AKT3: variants seen among roughly 807,000 people sequenced by gnomAD.
AKT3 encodes the protein AKT serine/threonine kinase 3.
AKT3 carries 15 observed loss-of-function variants against 65.3 expected under a neutral mutation model. That is an observed-to-expected ratio of 0.23 (90% CI 0.15 to 0.35). The LOEUF (loss-of-function observed/expected upper bound fraction) is 0.35, where lower values mean the gene tolerates loss of function less well. Among genes scored for constraint, AKT3 ranks in the 10% least tolerant of loss-of-function variants. The pLI, the probability that AKT3 is intolerant of heterozygous loss-of-function variation, is 1.00. For synonymous variants in AKT3, 206 were observed against 183.8 expected (o/e 1.12, Z -0.98); for missense variants, 243 against 576.5 (o/e 0.42, Z 5.92).
rs57661262 is a variant in AKT3 at position 243,715,609 on chromosome 1, G to C, written c.47-19893C>G. The stretch of plus-strand genomic sequence containing the variant: ...AAAAAATGGGATCATTCTCTACAAA[G>C]TGGAGAGAGATCATTCTTTTTCTAA... On this transcript the variant is annotated intron_variant, in intron 2 of 13. Transcript: ENST00000673466. Among the ~76,000 whole-genome samples the C allele has an allele frequency of 3.8e-3, 583 of 152,176 alleles. 3 individuals are homozygous for C. The highest frequency in any genetic ancestry group is 0.013 in the African/African-American group (546 of 41,538).
chr1:243,568,835 G>A (rs1674358545), intron 9 of AKT3, among the ~76,000 whole-genome samples: 2 of 152,172 alleles, frequency 1.3e-5, no homozygotes, highest in Non-Finnish European at 2.9e-5. Flanking sequence ...TGCAGGCCGA[G>A]GCATGGTTGT....
intron 4 of AKT3, among the ~76,000 whole-genome samples, chr1:243,655,157 G>A (rs983363533): frequency 2.6e-5 from 4 of 151,758 alleles, no homozygotes; most frequent in East Asian, 1.9e-4. Flanking sequence ...CACTATAAAC[G>A]TTCTGTTCTG....
intron 8 of AKT3, among the ~76,000 whole-genome samples, chr1:243,577,648 T>C (rs1391933044): frequency 6.6e-6 from 1 of 152,176 alleles, no homozygotes; most frequent in East Asian, 1.9e-4. Context: ...TGTTTCATGA[T>C]GACAACATCA....
chr1:243,728,973 G>A (rs1687382443), intron 2 of AKT3, among the ~76,000 whole-genome samples: 1 of 152,154 alleles, frequency 6.6e-6, no homozygotes, highest in African/African-American at 2.4e-5. Context: ...AATGAGTTAG[G>A]AGAAACCAAG....
At chr1:243,542,734 C>T (rs1672405228) in intron 12 of AKT3, among the ~76,000 whole-genome samples, 1 of 152,114 alleles carries the variant, frequency 6.6e-6, no homozygotes, top group Non-Finnish European at 1.5e-5. Context: ...CAGCTACTAA[C>T]CCCCAGGCTG....
intron 2 of AKT3, among the ~76,000 whole-genome samples, chr1:243,797,960 A>C (rs12097165): frequency 4.1e-5 from 6 of 147,890 alleles, no homozygotes; most frequent in African/African-American, 1.2e-4. Flanking sequence ...TCGGCTCACT[A>C]AAAGCTCCAC....
intron 8 of AKT3, among the ~76,000 whole-genome samples, chr1:243,608,376 G>A (rs1007918598): frequency 1.3e-5 from 2 of 152,188 alleles, no homozygotes; most frequent in African/African-American, 4.8e-5. Context: ...AGACTAAGAA[G>A]AAGATGCTAT....
chr1:243,744,619 G>T (rs979674538), intron 2 of AKT3, among the ~76,000 whole-genome samples: 3 of 150,242 alleles, frequency 2.0e-5, no homozygotes, highest in African/African-American at 7.3e-5. Context: ...GGCGCCTGTA[G>T]TCCCAGCTAC....
chr1:243,757,362 A>T (rs1322565605), intron 2 of AKT3, among the ~76,000 whole-genome samples: 1 of 152,238 alleles, frequency 6.6e-6, no homozygotes, highest in Non-Finnish European at 1.5e-5. Flanking sequence ...TCATGCCTGT[A>T]AACCCAGCAC....
Position 243,504,762 on chromosome 1 carries a change from C to G in AKT3, c.*487G>C, listed in dbSNP as rs1174055688. Reference sequence around the variant, plus strand: ...ACGGATCTGATGTGCTTTACATATGCACGCCACCACCCTTCCACAATTGCT... The same window carrying G: ...ACGGATCTGATGTGCTTTACATATGGACGCCACCACCCTTCCACAATTGCT... On this transcript the variant is annotated 3_prime_UTR_variant, in exon 14 of 14. Transcript: ENST00000673466. 1 of 194,498 alleles carries G rather than the reference C, an allele frequency of 5.1e-6. No individual in the cohort carries two copies. The highest frequency in any genetic ancestry group is 2.3e-5 in the African/African-American group (1 of 42,948). The allele number at this position is 194,498 out of a possible 1,614,324, so 12.0% of individuals were successfully genotyped here.
At chr1:243,614,075 G>A (rs930832133) in intron 7 of AKT3, among the ~76,000 whole-genome samples, 5 of 152,136 alleles carry the variant, frequency 3.3e-5, no homozygotes, top group African/African-American at 7.2e-5. Context: ...TCACAGCGTG[G>A]CCAACAAATT....
chr1:243,842,687 C>CT (rs1049137956), intron 2 of AKT3, among the ~76,000 whole-genome samples: 1 of 152,142 alleles, frequency 6.6e-6, no homozygotes, highest in Non-Finnish European at 1.5e-5. Context: ...CGGGTGAACC[C>CT]TTTCCCCTTT....
At chr1:243,526,335 A>G (rs147132794) in intron 12 of AKT3, among the ~76,000 whole-genome samples, 1 of 152,272 alleles carries the variant, frequency 6.6e-6, no homozygotes, top group East Asian at 1.9e-4. Flanking sequence ...TCATGGAGCT[A>G]AACACACACT....
At chr1:243,621,823 T>A (rs1342802051) in intron 6 of AKT3, among the ~76,000 whole-genome samples, 1 of 152,122 alleles carries the variant, frequency 6.6e-6, no homozygotes, top group Non-Finnish European at 1.5e-5. Flanking sequence ...TTTTTCCCAC[T>A]CATACTCTAC....
At chr1:243,692,556 A>AGCCTGGCCAAC (rs2148014124) in intron 3 of AKT3, among the ~76,000 whole-genome samples, 1 of 151,348 alleles carries the variant, frequency 6.6e-6, no homozygotes, top group East Asian at 1.9e-4. Context: ...AACATGGTGA[A>AGCCTGGCCAAC]ACCCCATCTC....
At chr1:243,720,429 TAAAAAAAA>T (rs66716743) in intron 2 of AKT3, among the ~76,000 whole-genome samples, 7 of 96,020 alleles carry the variant, frequency 7.3e-5, no homozygotes, top group Non-Finnish European at 1.2e-4. Flanking sequence ...AAAGACATAG[TAAAAAAAA>T]AAAAAAAAAA....
chr1:243,501,303 C>T lies in AKT3; in HGVS notation c.*3946G>A, dbSNP rs1669277536. 4.3e-6 allele frequency: 1 copy of T among 233,036 alleles called. No homozygotes were observed. The highest frequency in any genetic ancestry group is 2.2e-5 in the African/African-American group (1 of 45,328). 14.4% of individuals were successfully genotyped at this position (233,036 alleles called of 1,614,324 possible). ...CCCACGTCTAAGTTTGTTAATTTGC[C>T]ATGACATGTTGTTAGAAATACACTC... On this transcript the variant is annotated 3_prime_UTR_variant, in exon 14 of 14. Transcript: ENST00000673466.
At chr1:243,703,440 T>A (rs970418211) in intron 2 of AKT3, among the ~76,000 whole-genome samples, 1 of 152,130 alleles carries the variant, frequency 6.6e-6, no homozygotes, top group Non-Finnish European at 1.5e-5. Flanking sequence ...ACTCAACTTA[T>A]CATAACCATG....
At chr1:243,642,479 T>C (rs560732699) in intron 5 of AKT3, among the ~76,000 whole-genome samples, 1 of 152,156 alleles carries the variant, frequency 6.6e-6, no homozygotes, top group East Asian at 1.9e-4. Context: ...CTGGTTAATT[T>C]TTTGTATTTT....
Sources: allele counts gnomAD v4.1 joint callset (sites outside exome capture counted in the v4.1 genomes callset), GRCh38; gene constraint gnomAD v4.1.1; transcripts MANE v1.5; gene names NCBI Gene and HGNC (gene_info 2026-07-23, HGNC 2026-07-21).